Variants in SGSM1 observed in about 807,000 individuals in gnomAD.
The protein encoded by SGSM1 is small G protein signaling modulator 1.
In SGSM1, 73 loss-of-function variants were observed where a neutral mutation model predicts 133.8. That is an observed-to-expected ratio of 0.55 (90% CI 0.45 to 0.66). SGSM1 has a LOEUF of 0.66. Ranked by LOEUF, SGSM1 falls within the 30% of genes least tolerant of loss-of-function variation. The pLI, the probability that SGSM1 is intolerant of heterozygous loss-of-function variation, is 0.00. For missense variants in SGSM1, 1,213 were observed against 1,448.1 expected (o/e 0.84, Z 2.64); for synonymous variants, 563 against 573.0 (o/e 0.98, Z 0.25).
chr22:24,885,902 G>T (rs1310630551), intron 15 of SGSM1, among the ~76,000 whole-genome samples: 1 of 152,128 alleles, frequency 6.6e-6, no homozygotes, highest in Admixed American at 6.6e-5. Flanking sequence ...CCTTATTCAC[G>T]CCAGGATATC....
chr22:24,879,559 C>A, intron 14 of SGSM1, 33 bp downstream of exon 14: 1 of 1,600,998 alleles, frequency 6.2e-7, no homozygotes. Flanking sequence ...AGTGTGTCTC[C>A]GTGGAGCAGC....
intron 3 of SGSM1, among the ~76,000 whole-genome samples, chr22:24,845,936 TTTTCTTTTCTTTC>T (rs1490805131): frequency 7.0e-6 from 1 of 142,738 alleles, no homozygotes; most frequent in South Asian, 2.3e-4. Context: ...CTTTCTTTTC[TTTTCTTTTCTTTC>T]TTTCTTTCTT....
chr22:24,916,060 T>C lies in SGSM1; in HGVS notation c.2929-1598T>C, dbSNP rs192013530. On this transcript the variant is annotated intron_variant, in intron 22 of 24. Transcript: ENST00000400358. ...ACCATCTGTTTTTTTTTATAAGAGTTTTGTTAAAATATAATTTAGATACAT... is the reference window on the plus strand; with the variant it reads ...ACCATCTGTTTTTTTTTATAAGAGTCTTGTTAAAATATAATTTAGATACAT... 2.0e-3 allele frequency among the ~76,000 whole-genome samples: 309 copies of C among 152,328 alleles called. 2 individuals carry two copies. Among genetic ancestry groups the C allele is most frequent in the African/African-American group, 6.8e-3 (282 of 41,576 alleles).
chr22:24,806,496 G>A lies in SGSM1; in HGVS notation c.63+12G>A, dbSNP rs199653023. On this transcript the variant is annotated intron_variant, in intron 2 of 24. Coordinates refer to ENST00000400358, the MANE Select transcript of SGSM1 (RefSeq NM_001098497.3). ...CCGTCAAGAAGGAGGTGGGTGCCGGGGTGGGGGCACTGGGCAGGACTCCCC... is the reference window on the plus strand; with the variant it reads ...CCGTCAAGAAGGAGGTGGGTGCCGGAGTGGGGGCACTGGGCAGGACTCCCC... 1 of 1,509,090 alleles carries A rather than the reference G, an allele frequency of 6.6e-7. No homozygotes were observed. The highest frequency in any genetic ancestry group is 2.2e-5 in the Admixed American group (1 of 44,736). 93.5% of individuals were successfully genotyped at this position (1,509,090 alleles called of 1,614,324 possible). A position where few individuals can be genotyped will look rare whatever the true frequency, so the allele number is the denominator to read the frequency against.
chr22:24,810,980 C>A (rs960163712), intron 2 of SGSM1, among the ~76,000 whole-genome samples: 48 of 152,280 alleles, frequency 3.2e-4, no homozygotes, highest in Middle Eastern at 3.4e-3. Flanking sequence ...TTTTGTCTCC[C>A]GTCCCTAGGT....
In SGSM1 at chr22:24,898,030, A is replaced by G. The variant is rs758218682; in HGVS notation, c.2081A>G (p.Lys694Arg). The G allele has an allele frequency of 6.2e-7, 1 of 1,613,430 alleles. No individual in the cohort carries two copies. The change falls in exon 19 of 25, where the codon AAA becomes AGA. Residue 694 changes from lysine to arginine, a missense_variant. By Grantham distance (26) the Lys-to-Arg change is conservative (BLOSUM62 2). Coordinates refer to ENST00000400358, the MANE Select transcript of SGSM1 (RefSeq NM_001098497.3). The stretch of plus-strand genomic sequence containing the variant: ...GAGGCTGAAGGCAGATTGGAGGAGA[A>G]ACAGCCCAAGATCCCCAATGGGAAC... ...QVEAEGRLEEKQPKIPNGNLV... is the reference protein window; with the variant it reads ...QVEAEGRLEERQPKIPNGNLV...
chr22:24,808,881 A>G (rs966865909), intron 2 of SGSM1, among the ~76,000 whole-genome samples: 1 of 152,160 alleles, frequency 6.6e-6, no homozygotes, highest in Admixed American at 6.5e-5. Flanking sequence ...CTTACCCCCC[A>G]GGTCTTTTTG....
At chr22:24,891,814 A>G (rs746116359) in intron 16 of SGSM1, among the ~76,000 whole-genome samples, 2 of 152,166 alleles carry the variant, frequency 1.3e-5, no homozygotes, top group Non-Finnish European at 2.9e-5. Flanking sequence ...TTGTTCGTAA[A>G]TTCTCAGAAG....
chr22:24,883,151 G>A (rs1392901645), intron 14 of SGSM1, among the ~76,000 whole-genome samples: 6 of 151,512 alleles, frequency 4.0e-5, no homozygotes, highest in African/African-American at 1.2e-4. Flanking sequence ...TGATCCGCCC[G>A]CCTCAGTCTC....
intron 22 of SGSM1, among the ~76,000 whole-genome samples, chr22:24,916,777 A>G (rs1352432710): frequency 6.6e-6 from 1 of 152,198 alleles, no homozygotes; most frequent in Non-Finnish European, 1.5e-5. Flanking sequence ...TTATCCATTC[A>G]TGTCTTGATG....
At chr22:24,897,205 C>T (rs1037781889) in intron 18 of SGSM1, among the ~76,000 whole-genome samples, 8 of 151,812 alleles carry the variant, frequency 5.3e-5, no homozygotes, top group Non-Finnish European at 7.4e-5. Flanking sequence ...CATGGTGAAA[C>T]CCCATCTCTA....
intron 5 of SGSM1, among the ~76,000 whole-genome samples, chr22:24,853,085 T>C (rs1010866151): frequency 3.3e-5 from 5 of 152,208 alleles, no homozygotes; most frequent in African/African-American, 1.2e-4. Flanking sequence ...ATCCAGGCAT[T>C]TGAGTTCTAT....
intron 12 of SGSM1, among the ~76,000 whole-genome samples, chr22:24,870,816 A>G: frequency 6.6e-6 from 1 of 152,214 alleles, no homozygotes; most frequent in East Asian, 1.9e-4. Context: ...TTTGTGAGGC[A>G]AACTCTGACA....
At chr22:24,845,969 CT>C (rs376243892) in intron 3 of SGSM1, among the ~76,000 whole-genome samples, 1 of 141,458 alleles carries the variant, frequency 7.1e-6, no homozygotes, top group African/African-American at 2.7e-5. Context: ...TTCTTTCTTT[CT>C]TTCTTTCTTT....
At chr22:24,817,371 T>C (rs919275732) in intron 2 of SGSM1, among the ~76,000 whole-genome samples, 10 of 152,048 alleles carry the variant, frequency 6.6e-5, no homozygotes, top group Admixed American at 6.5e-4. Context: ...CTTTTTTTTT[T>C]GAGATGGAGT....
chr22:24,884,894 A>G (rs1932516581), intron 15 of SGSM1, among the ~76,000 whole-genome samples: 2 of 152,144 alleles, frequency 1.3e-5, no homozygotes, highest in South Asian at 4.1e-4. Flanking sequence ...TGCACAAAAG[A>G]TATTAGTGTA....
intron 2 of SGSM1, among the ~76,000 whole-genome samples, chr22:24,831,307 G>T (rs1031627210): frequency 2.6e-5 from 4 of 152,058 alleles, no homozygotes; most frequent in African/African-American, 9.7e-5. Flanking sequence ...GCCTCGGCCA[G>T]CCCTGCGGGG....
chr22:24,898,528 C>T lies in SGSM1; in HGVS notation c.2579C>T (p.Ser860Phe), dbSNP rs568630209. Residue 860 changes from serine (S) to phenylalanine (F), a missense_variant, in exon 19 of 25, where the codon TCC (serine) becomes TTC (phenylalanine). Ser to Phe is a radical substitution (Grantham distance 155, BLOSUM62 -2). Transcript: ENST00000400358. ...GTGACTACTTCTGCCAACGAGGTGT[C>T]CCCTGTGTCTTCCAGCGGCGTCACC... ...LAVTTSANEVSPVSSSGVTYS... is the reference protein window; with the variant it reads ...LAVTTSANEVFPVSSSGVTYS... 6.2e-7 allele frequency: 1 copy of T among 1,611,234 alleles called. No homozygotes were observed. The highest frequency in any genetic ancestry group is 1.3e-5 in the African/African-American group (1 of 74,976).
intron 2 of SGSM1, among the ~76,000 whole-genome samples, chr22:24,823,199 AC>A (rs1928583484): frequency 1.3e-5 from 2 of 152,186 alleles, no homozygotes; most frequent in African/African-American, 4.8e-5. Context: ...ATGAGATCAT[AC>A]CCCCAGGCAT....
Sources: gnomAD v4.1 joint callset for allele counts (sites outside exome capture counted in the v4.1 genomes callset) on GRCh38, gnomAD v4.1.1 for gene constraint, MANE v1.5 for transcripts, NCBI Gene and HGNC (gene_info 2026-07-23, HGNC 2026-07-21) for gene names.